CTNNA3: variants seen among roughly 807,000 people sequenced by gnomAD.
The protein encoded by CTNNA3 is catenin alpha 3.
CTNNA3 carries 76 observed loss-of-function variants against 95.7 expected under a neutral mutation model. The ratio of observed to expected loss-of-function variants is 0.79; its 90% CI spans 0.66 to 0.96. The LOEUF is 0.96. Ranked by LOEUF, CTNNA3 falls within the 40% of genes least tolerant of loss-of-function variation. The pLI is 0.00. For missense variants in CTNNA3, 1,191 were observed against 1,089.8 expected, an observed-to-expected ratio of 1.09 and a Z score of -1.31; for synonymous variants, 431 against 374.4, an observed-to-expected ratio of 1.15 and a Z score of -1.74.
chr10:67,452,807 T>C (rs1476940425), intron 5 of CTNNA3, among the ~76,000 whole-genome samples: 2 of 152,202 alleles, frequency 1.3e-5, no homozygotes, highest in Non-Finnish European at 2.9e-5. Flanking sequence ...CACAGTAATG[T>C]GTTGTTAAAA....
chr10:66,299,144 T>C (rs570252484), intron 12 of CTNNA3, among the ~76,000 whole-genome samples: 1 of 152,300 alleles, frequency 6.6e-6, no homozygotes, highest in African/African-American at 2.4e-5. Flanking sequence ...GGAACCAATG[T>C]TCATCTTACA....
chr10:66,177,243 T>C (rs1165355872), intron 13 of CTNNA3, among the ~76,000 whole-genome samples: 2 of 151,996 alleles, frequency 1.3e-5, no homozygotes, highest in Non-Finnish European at 2.9e-5. Flanking sequence ...TTACATAAAC[T>C]GAAGAAAAAG....
intron 9 of CTNNA3, among the ~76,000 whole-genome samples, chr10:66,689,763 T>C (rs1847447565): frequency 6.6e-6 from 1 of 152,116 alleles, no homozygotes; most frequent in African/African-American, 2.4e-5. Context: ...TAACTGCTGA[T>C]ATTGAAAAGT....
intron 5 of CTNNA3, among the ~76,000 whole-genome samples, chr10:67,288,765 A>G (rs938854530): frequency 6.6e-6 from 1 of 152,154 alleles, no homozygotes; most frequent in African/African-American, 2.4e-5. Flanking sequence ...AAGTTTTCAG[A>G]AAGTTTTTCC....
chr10:66,399,733 G>A (rs1181740914), intron 11 of CTNNA3, among the ~76,000 whole-genome samples: 1 of 151,954 alleles, frequency 6.6e-6, no homozygotes, highest in African/African-American at 2.4e-5. Context: ...TATATGTAGT[G>A]AATTTAATCA....
At chr10:66,557,765 A>G (rs987485954) in intron 10 of CTNNA3, among the ~76,000 whole-genome samples, 3 of 152,146 alleles carry the variant, frequency 2.0e-5, no homozygotes, top group African/African-American at 7.2e-5. Flanking sequence ...ATTATGCATG[A>G]AATGTTCTTA....
chr10:67,254,648 G>A (rs1325175375), intron 5 of CTNNA3, among the ~76,000 whole-genome samples: 1 of 152,068 alleles, frequency 6.6e-6, no homozygotes, highest in East Asian at 1.9e-4. Flanking sequence ...ATACAATGGT[G>A]GTCCTGTAAG....
intron 10 of CTNNA3, among the ~76,000 whole-genome samples, chr10:66,530,636 G>T (rs1173534198): frequency 6.6e-6 from 1 of 152,064 alleles, no homozygotes; most frequent in Non-Finnish European, 1.5e-5. Flanking sequence ...GTAGGGGAGG[G>T]TGTGGTGCTG....
At chr10:66,301,826 C>G (rs893241506) in intron 12 of CTNNA3, among the ~76,000 whole-genome samples, 11 of 151,960 alleles carry the variant, frequency 7.2e-5, no homozygotes, top group Non-Finnish European at 1.5e-4. Context: ...GATGTCCACT[C>G]TCACCACTAG....
chr10:66,835,999 CAATT>C (rs1047541943), intron 7 of CTNNA3, among the ~76,000 whole-genome samples: 34 of 151,876 alleles, frequency 2.2e-4, no homozygotes, highest in East Asian at 3.9e-4. Flanking sequence ...AAAAAAAAAA[CAATT>C]AAATTAATTT....
intron 1 of CTNNA3, among the ~76,000 whole-genome samples, chr10:67,713,530 AACC>A (rs1378358324): frequency 1.3e-5 from 2 of 152,240 alleles, no homozygotes; most frequent in Non-Finnish European, 1.5e-5. Flanking sequence ...ACTTGGAACC[AACC>A]CAGATGCCCA....
rs140214947 is a variant in CTNNA3 at position 66,279,658 on chromosome 10, A to G, written c.1884+812T>C. 2.2e-4 allele frequency among the ~76,000 whole-genome samples: 34 copies of G among 152,144 alleles called. No homozygotes were observed. The East Asian group carries it at 6.2e-3, about 28-fold the overall frequency. On this transcript the variant is annotated intron_variant, in intron 13 of 17. Transcript: ENST00000433211. ...AAGCCCCAGTTGCCTGCAGTGACCC[A>G]TAATTACACCTTCTTGGTTTTCTTC... is the stretch of plus-strand genomic sequence containing the variant.
chr10:65,935,902 G>T (rs937307589), intron 17 of CTNNA3, among the ~76,000 whole-genome samples: 1 of 152,128 alleles, frequency 6.6e-6, no homozygotes, highest in Non-Finnish European at 1.5e-5. Flanking sequence ...CAGCGTTTAT[G>T]AATGCATATT....
chr10:66,838,542 T>A (rs1842952323), intron 7 of CTNNA3, among the ~76,000 whole-genome samples: 1 of 152,078 alleles, frequency 6.6e-6, no homozygotes, highest in South Asian at 2.1e-4. Flanking sequence ...CACGTCTAAA[T>A]TCAGCAAATA....
chr10:67,146,831 C>T (rs942725522), intron 7 of CTNNA3, among the ~76,000 whole-genome samples: 3 of 152,134 alleles, frequency 2.0e-5, no homozygotes, highest in Admixed American at 6.6e-5. Flanking sequence ...AACTCTGGTT[C>T]CATAGATTAT....
intron 7 of CTNNA3, among the ~76,000 whole-genome samples, chr10:67,179,039 A>C (rs1671086531): frequency 6.6e-6 from 1 of 152,140 alleles, no homozygotes; most frequent in Admixed American, 6.6e-5. Flanking sequence ...AAGATACATC[A>C]AATGTGTTGA....
chr10:66,260,455 G>A (rs2090956439), intron 13 of CTNNA3, among the ~76,000 whole-genome samples: 1 of 152,042 alleles, frequency 6.6e-6, no homozygotes, highest in Admixed American at 6.6e-5. Context: ...CCTATTTGGG[G>A]GATAGGTAAT....
intron 7 of CTNNA3, among the ~76,000 whole-genome samples, chr10:67,107,218 A>T (rs1213767093): frequency 1.3e-5 from 2 of 152,188 alleles, no homozygotes; most frequent in Non-Finnish European, 1.5e-5. Flanking sequence ...ACCAGGCTCA[A>T]TTTTTGTCCT....
chr10:67,552,478 G>T (rs547107208), intron 3 of CTNNA3, among the ~76,000 whole-genome samples: 1 of 151,210 alleles, frequency 6.6e-6, no homozygotes, highest in East Asian at 2.0e-4. Flanking sequence ...AGATGTGTTT[G>T]TCTCCACATC....
Sources: allele counts gnomAD v4.1 joint callset (sites outside exome capture counted in the v4.1 genomes callset), GRCh38; gene constraint gnomAD v4.1.1; transcripts MANE v1.5; gene names NCBI Gene and HGNC (gene_info 2026-07-23, HGNC 2026-07-21).